UBR3: variants seen among roughly 807,000 people sequenced by gnomAD.
The protein encoded by UBR3 is E3 ubiquitin-protein ligase UBR3.
In UBR3, 85 loss-of-function variants were observed where a neutral mutation model predicts 243.2. The ratio of observed to expected loss-of-function variants is 0.35; its 90% CI spans 0.29 to 0.42. The LOEUF (loss-of-function observed/expected upper bound fraction) is 0.42, where lower values mean the gene tolerates loss of function less well. UBR3 is among the 10% of genes least tolerant of loss of function. The probability of loss-of-function intolerance (pLI) is 1.00; values close to 1 mark genes in which losing one functional copy is unlikely to be tolerated. For synonymous variants in UBR3, 748 were observed against 799.8 expected (o/e 0.94, Z 1.09); for missense variants, 1,686 against 2,300.8 (o/e 0.73, Z 5.47).
chr2:170,069,967 T>G (rs1291129839), intron 35 of UBR3, among the ~76,000 whole-genome samples: 1 of 152,120 alleles, frequency 6.6e-6, no homozygotes, highest in East Asian at 1.9e-4. Context: ...GCTATACGAA[T>G]AGTTATTATA....
intron 8 of UBR3, among the ~76,000 whole-genome samples, chr2:169,903,836 C>T (rs902813625): frequency 3.3e-5 from 5 of 152,124 alleles, no homozygotes; most frequent in African/African-American, 1.2e-4. Flanking sequence ...GCGTGGGCAA[C>T]ATAGTGAGAC....
chr2:169,829,812 AGTACAC>A (rs1355127151), intron 1 of UBR3, among the ~76,000 whole-genome samples: 4 of 128,796 alleles, frequency 3.1e-5, no homozygotes, highest in African/African-American at 6.2e-5. Flanking sequence ...ATAGCTAAAA[AGTACAC>A]ACACACACAC....
chr2:169,945,107 C>T (rs2086736694), intron 20 of UBR3, among the ~76,000 whole-genome samples: 2 of 151,640 alleles, frequency 1.3e-5, no homozygotes, highest in South Asian at 4.2e-4. Context: ...TACAACAATT[C>T]TGGGCTATAA....
chr2:170,016,851 T>C (rs10497356), intron 30 of UBR3: 77,103 of 843,342 alleles, frequency 0.091, 4,205 homozygotes, highest in Admixed American at 0.18. Context: ...TTCATTATTT[T>C]TCCCTTTACT....
intron 24 of UBR3, among the ~76,000 whole-genome samples, chr2:169,981,615 A>C (rs1204598929): frequency 6.6e-6 from 1 of 152,164 alleles, no homozygotes; most frequent in Non-Finnish European, 1.5e-5. Context: ...CCTGGGATGG[A>C]AAAAGGACAT....
At chr2:170,077,466 C>A (rs2091833615) in intron 36 of UBR3, 1 of 1,467,352 alleles carries the variant, frequency 6.8e-7, no homozygotes, top group Non-Finnish European at 9.1e-7. Flanking sequence ...CATGGGCTTT[C>A]TTGAAACGCA....
chr2:169,912,030 G>A (rs2085272344), intron 10 of UBR3, among the ~76,000 whole-genome samples: 2 of 152,120 alleles, frequency 1.3e-5, no homozygotes, highest in Admixed American at 1.3e-4. Flanking sequence ...TATCAAGCAA[G>A]AATTGACAGG....
At chr2:169,970,127 G>C (rs967147517) in intron 24 of UBR3, among the ~76,000 whole-genome samples, 23 of 151,532 alleles carry the variant, frequency 1.5e-4, no homozygotes, top group Non-Finnish European at 2.8e-4. Flanking sequence ...TCCAATCCAT[G>C]ACATGAGATG....
intron 1 of UBR3, among the ~76,000 whole-genome samples, chr2:169,841,028 G>A (rs1400141855): frequency 6.6e-6 from 1 of 152,180 alleles, no homozygotes; most frequent in Non-Finnish European, 1.5e-5. Flanking sequence ...GGGTATGGCT[G>A]TCTCAAAGAT....
At chr2:169,961,656 C>T (rs968711348) in intron 24 of UBR3, among the ~76,000 whole-genome samples, 1 of 152,082 alleles carries the variant, frequency 6.6e-6, no homozygotes, top group Non-Finnish European at 1.5e-5. Context: ...TGTCTTTTAC[C>T]GTTCATTTGA....
intron 33 of UBR3, among the ~76,000 whole-genome samples, chr2:170,058,953 GCA>G (rs2091400886): frequency 1.3e-5 from 2 of 152,100 alleles, no homozygotes. Context: ...ATTCTACCCA[GCA>G]CAGACTCTCT....
intron 24 of UBR3, among the ~76,000 whole-genome samples, chr2:169,979,384 C>G (rs901844461): frequency 2.6e-5 from 4 of 152,192 alleles, no homozygotes; most frequent in Non-Finnish European, 5.9e-5. Flanking sequence ...TGATCCATCA[C>G]TTGTGCTCTT....
intron 24 of UBR3, among the ~76,000 whole-genome samples, chr2:169,983,790 CAG>C (rs550142605): frequency 3.2e-4 from 48 of 152,268 alleles, no homozygotes; most frequent in Admixed American, 1.6e-3. Flanking sequence ...TAAAACCAAA[CAG>C]ATAAATTAAC....
intron 8 of UBR3, among the ~76,000 whole-genome samples, chr2:169,897,423 C>T (rs2105328539): frequency 6.6e-6 from 1 of 152,056 alleles, no homozygotes; most frequent in East Asian, 1.9e-4. Context: ...CTTTACCTCC[C>T]TTAAATTCTA....
intron 21 of UBR3, among the ~76,000 whole-genome samples, chr2:169,947,116 A>G (rs186822156): frequency 1.2e-4 from 19 of 152,224 alleles, no homozygotes; most frequent in Admixed American, 6.5e-4. Context: ...TTGAATCAAC[A>G]TATGTTCTTT....
chr2:169,927,496 T>G, intron 17 of UBR3, 91 bp downstream of exon 17: 2 of 1,032,056 alleles, frequency 1.9e-6, no homozygotes, highest in Non-Finnish European at 2.8e-6. Context: ...TTGATTAATT[T>G]TTTTTCAAAG....
chr2:169,882,709 G>A (rs2083939835), intron 5 of UBR3, among the ~76,000 whole-genome samples: 1 of 151,268 alleles, frequency 6.6e-6, no homozygotes, highest in Non-Finnish European at 1.5e-5. Context: ...CTGCACTTCA[G>A]CCTGGGTGAC....
intron 7 of UBR3, among the ~76,000 whole-genome samples, chr2:169,896,298 A>T (rs891045929): frequency 1.1e-4 from 16 of 149,124 alleles, no homozygotes; most frequent in Non-Finnish European, 1.6e-4. Context: ...GGGGAAAAAA[A>T]TTTTTTTTTT....
At position 169,891,084 on chromosome 2, in the gene UBR3, A is replaced by T. The variant is rs16857247; in HGVS notation, c.1039-81A>T. On this transcript the variant is annotated intron_variant, in intron 5 of 38. Coordinates refer to ENST00000272793, the MANE Select transcript of UBR3 (RefSeq NM_172070.4). ...GTAAGCATGCATATATTATGTGTTT[A>T]ATGTAATTTGTAAGCACATTTATAA... 2,932 of 1,040,022 alleles carry T rather than the reference A, an allele frequency of 2.8e-3. 81 individuals carry two copies. In the African/African-American group the frequency reaches 0.039, roughly 14 times the overall value. 64.4% of individuals were successfully genotyped at this position (1,040,022 alleles called of 1,614,324 possible).
Sources: gnomAD v4.1 joint callset for allele counts (sites outside exome capture counted in the v4.1 genomes callset) on GRCh38, gnomAD v4.1.1 for gene constraint, MANE v1.5 for transcripts, NCBI Gene and HGNC (gene_info 2026-07-23, HGNC 2026-07-21) for gene names.